Variants in SFMBT1 observed in about 807,000 individuals in gnomAD.
The protein encoded by SFMBT1 is scm-like with four MBT domains protein 1.
Under a neutral mutation model 108.7 loss-of-function variants are expected in SFMBT1, and 32 were observed. The ratio of observed to expected loss-of-function variants is 0.29; its 90% confidence interval spans 0.22 to 0.40. SFMBT1 has a LOEUF of 0.40. Among genes scored for constraint, SFMBT1 ranks in the 10% least tolerant of loss-of-function variants. SFMBT1 has a pLI of 1.00. For synonymous variants in SFMBT1, 348 were observed against 369.5 expected (o/e 0.94, Z 0.67); for missense variants, 816 against 1,059.6 (o/e 0.77, Z 3.19).
At chr3:53,045,295 G>A (rs1439604761) in intron 1 of SFMBT1, 1 of 145,616 alleles carries the variant, frequency 6.9e-6, no homozygotes, top group Non-Finnish European at 1.5e-5. Context: ...CGCGCGCCCG[G>A]CCCCAGCTGC....
intron 3 of SFMBT1, among the ~76,000 whole-genome samples, chr3:52,944,588 C>T (rs533797462): frequency 1.3e-5 from 2 of 152,082 alleles, no homozygotes; most frequent in African/African-American, 2.4e-5. Context: ...GGCGTGATCT[C>T]GGCTTACCGC....
At chr3:53,010,533 T>C (rs1698906329) in intron 1 of SFMBT1, among the ~76,000 whole-genome samples, 1 of 152,226 alleles carries the variant, frequency 6.6e-6, no homozygotes, top group Non-Finnish European at 1.5e-5. Flanking sequence ...AGAAATTTTC[T>C]TAATGTTCTT....
In SFMBT1 at chr3:52,998,864, G is replaced by A. The variant is rs1254268320; in HGVS notation, c.-130-29606C>T. Among the ~76,000 whole-genome samples, 3 of 150,506 alleles carry A rather than the reference G, an allele frequency of 2.0e-5. No homozygotes were observed. The East Asian group carries it at 5.9e-4, about 30-fold the overall frequency. Reference sequence around the variant, plus strand: ...CAAGGGCCTGCGGGGTGACGGCTGTGCAGCGCTGCTCGCCTAGCTGTTGAT... The same window carrying A: ...CAAGGGCCTGCGGGGTGACGGCTGTACAGCGCTGCTCGCCTAGCTGTTGAT... On this transcript the variant is annotated intron_variant, in intron 1 of 20. Transcript: ENST00000394752.
At chr3:53,031,326 T>G (rs1699679942) in intron 1 of SFMBT1, among the ~76,000 whole-genome samples, 1 of 152,204 alleles carries the variant, frequency 6.6e-6, no homozygotes. Context: ...GACTGCTGAT[T>G]GCCTCTTTGT....
At chr3:53,006,986 G>A (rs1698768031) in intron 1 of SFMBT1, among the ~76,000 whole-genome samples, 2 of 152,178 alleles carry the variant, frequency 1.3e-5, no homozygotes, top group Admixed American at 6.5e-5. Flanking sequence ...AGGGTATGCA[G>A]GGACCACACT....
chr3:53,036,985 T>C (rs1213614494), intron 1 of SFMBT1, among the ~76,000 whole-genome samples: 2 of 152,018 alleles, frequency 1.3e-5, no homozygotes, highest in Non-Finnish European at 2.9e-5. Flanking sequence ...CACAATGAGA[T>C]AAAAGACGAG....
intron 13 of SFMBT1, 54 bp from the exon 14 acceptor site, chr3:52,916,268 T>C: frequency 2.0e-6 from 3 of 1,518,220 alleles, no homozygotes; most frequent in East Asian, 2.3e-5. Flanking sequence ...ATCAGTAAAG[T>C]GTGAGGCTTA....
At chr3:53,014,198 T>G (rs894857546) in intron 1 of SFMBT1, among the ~76,000 whole-genome samples, 1 of 152,182 alleles carries the variant, frequency 6.6e-6, no homozygotes, top group African/African-American at 2.4e-5. Context: ...AATAAAATAT[T>G]TACATGTAAG....
intron 3 of SFMBT1, among the ~76,000 whole-genome samples, chr3:52,945,136 T>TAAAAAATAAAAATAAAAAA (rs1703315990): frequency 2.1e-5 from 1 of 48,512 alleles, no homozygotes; most frequent in Admixed American, 2.1e-4. Flanking sequence ...ACCTTCCAAT[T>TAAAAAATAAAAATAAAAAA]AAAAAAAAAA....
At chr3:52,928,040 A>T in intron 9 of SFMBT1, 151 bp downstream of exon 9, 1 of 911,146 alleles carries the variant, frequency 1.1e-6, no homozygotes, top group Non-Finnish European at 1.6e-6. Context: ...TGGAATCTAG[A>T]CCTTTCCTTA....
chr3:52,979,823 T>C (rs11720191), intron 1 of SFMBT1, among the ~76,000 whole-genome samples: 13,779 of 152,214 alleles, frequency 0.091, 640 homozygotes, highest in African/African-American at 0.099. Context: ...GGTGAAGAAA[T>C]ATTTTGAAAC....
At chr3:52,953,446 C>A (rs201988481) in intron 3 of SFMBT1, among the ~76,000 whole-genome samples, 7 of 148,436 alleles carry the variant, frequency 4.7e-5, no homozygotes, top group South Asian at 2.1e-4. Context: ...CCCCCCTCAC[C>A]AAAAAAAAAA....
intron 18 of SFMBT1, 33 bp downstream of exon 18, chr3:52,907,522 C>T (rs896237924): frequency 6.3e-7 from 1 of 1,595,302 alleles, no homozygotes; most frequent in Non-Finnish European, 8.5e-7. Flanking sequence ...CACTTGGCTT[C>T]AAGACATTAC....
intron 1 of SFMBT1, among the ~76,000 whole-genome samples, chr3:53,014,512 AAAACAAAAC>A (rs1326007558): frequency 6.1e-5 from 9 of 148,024 alleles, no homozygotes; most frequent in Non-Finnish European, 1.3e-4. Context: ...AAAACAAAAC[AAAACAAAAC>A]AGTTTCTAGA....
At chr3:52,941,079 A>G (rs1167983983) in intron 4 of SFMBT1, among the ~76,000 whole-genome samples, 1 of 152,228 alleles carries the variant, frequency 6.6e-6, no homozygotes, top group Non-Finnish European at 1.5e-5. Context: ...ACTAAATGCA[A>G]TGTGATTCTA....
chr3:52,919,594 A>G (rs1702458711), intron 12 of SFMBT1, among the ~76,000 whole-genome samples: 3 of 152,242 alleles, frequency 2.0e-5, no homozygotes, highest in African/African-American at 7.2e-5. Context: ...TGGTACGTCA[A>G]TTGTAACACC....
intron 1 of SFMBT1, among the ~76,000 whole-genome samples, chr3:52,994,007 A>G (rs1162918194): frequency 6.6e-6 from 1 of 150,406 alleles, no homozygotes; most frequent in African/African-American, 2.4e-5. Flanking sequence ...TGTAAAGCAC[A>G]TCTTTATAAT....
At chr3:52,953,456 A>C (rs934791475) in intron 3 of SFMBT1, among the ~76,000 whole-genome samples, 2 of 151,212 alleles carry the variant, frequency 1.3e-5, no homozygotes, top group Non-Finnish European at 3.0e-5. Context: ...CAAAAAAAAA[A>C]CCTAGGTCTA....
At chr3:52,986,948 T>C (rs770589952) in intron 1 of SFMBT1, among the ~76,000 whole-genome samples, 5 of 151,926 alleles carry the variant, frequency 3.3e-5, no homozygotes, top group African/African-American at 4.8e-5. Flanking sequence ...TCAAAATATA[T>C]ATATTTTTTC....
Sources: gnomAD v4.1 joint callset for allele counts (sites outside exome capture counted in the v4.1 genomes callset) on GRCh38, gnomAD v4.1.1 for gene constraint, MANE v1.5 for transcripts, NCBI Gene and HGNC (gene_info 2026-07-23, HGNC 2026-07-21) for gene names.